Variants in VTI1A observed in about 807,000 individuals in gnomAD.
The protein encoded by VTI1A is vesicle transport through interaction with t-SNAREs 1A, also known as vesicle transport through interaction with t-SNAREs homolog 1A.
Under a neutral mutation model 34.9 loss-of-function variants are expected in VTI1A, and 22 were observed. The observed-to-expected ratio is 0.63, with a 90% confidence interval of 0.45 to 0.90. The LOEUF (loss-of-function observed/expected upper bound fraction) is 0.90, where lower values mean the gene tolerates loss of function less well. Among genes scored for constraint, VTI1A ranks in the 40% least tolerant of loss-of-function variants. The pLI is 0.00. For missense variants in VTI1A, 268 were observed against 275.6 expected (o/e 0.97, Z 0.20); for synonymous variants, 87 against 97.3 (o/e 0.89, Z 0.62).
At chr10:112,723,428 C>T (rs1849884992) in intron 7 of VTI1A, among the ~76,000 whole-genome samples, 1 of 152,196 alleles carries the variant, frequency 6.6e-6, no homozygotes, top group Non-Finnish European at 1.5e-5. Flanking sequence ...ACCCGGTAAC[C>T]TGTTTTTCCA....
In VTI1A at chr10:112,493,061, G is replaced by C. The variant is rs557788548; in HGVS notation, c.264+28404G>C. ...TATATTAATTTGTTGAATAGAATCT[G>C]GATAAATCAATATGGGAGAAATTGC... is the stretch of plus-strand genomic sequence containing the variant. On this transcript the variant is annotated intron_variant, in intron 3 of 7. Transcript: ENST00000393077. Among the ~76,000 whole-genome samples, 5 of 152,186 alleles carry C rather than the reference G, an allele frequency of 3.3e-5. No homozygotes were observed. The East Asian group carries it at 7.7e-4, about 23-fold the overall frequency.
chr10:112,642,666 T>G (rs1846618029), intron 5 of VTI1A, among the ~76,000 whole-genome samples: 2 of 152,072 alleles, frequency 1.3e-5, no homozygotes, highest in Admixed American at 1.3e-4. Flanking sequence ...TGAGGCATTG[T>G]ATGGAGGGAA....
the VTI1A span, among the ~76,000 whole-genome samples, chr10:112,833,233 T>C: frequency 6.6e-6 from 1 of 151,948 alleles, no homozygotes; most frequent in Non-Finnish European, 1.5e-5. Context: ...TCAGAAAGAG[T>C]GGAGTTAGGG....
intron 5 of VTI1A, among the ~76,000 whole-genome samples, chr10:112,608,119 T>C (rs1486595161): frequency 6.6e-6 from 1 of 152,194 alleles, no homozygotes; most frequent in African/African-American, 2.4e-5. Context: ...CACAGAACTC[T>C]ACTGTAAACC....
intron 5 of VTI1A, among the ~76,000 whole-genome samples, chr10:112,657,093 C>T (rs1017450362): frequency 4.6e-5 from 7 of 152,168 alleles, no homozygotes; most frequent in African/African-American, 1.7e-4. Flanking sequence ...AGCCACTATG[C>T]TTCCTGTTCA....
chr10:112,649,420 CAAAT>C (rs1846924902), intron 5 of VTI1A, among the ~76,000 whole-genome samples: 1 of 152,146 alleles, frequency 6.6e-6, no homozygotes. Flanking sequence ...TATTACATCA[CAAAT>C]AATATCAATC....
intron 3 of VTI1A, among the ~76,000 whole-genome samples, chr10:112,521,128 C>T (rs1375110060): frequency 6.6e-6 from 1 of 151,998 alleles, no homozygotes; most frequent in African/African-American, 2.4e-5. Flanking sequence ...TGAGCTTGAC[C>T]TTTAACTCTA....
chr10:112,687,251 T>G lies in VTI1A; in HGVS notation c.560+18253T>G, dbSNP rs987735800. 2.9e-4 allele frequency among the ~76,000 whole-genome samples: 38 copies of G among 129,202 alleles called. No homozygotes were observed. In the East Asian group the frequency reaches 6.7e-3, roughly 23 times the overall value. 84.8% of individuals were successfully genotyped at this position (129,202 alleles called of 152,430 possible). A position where few individuals can be genotyped will look rare whatever the true frequency, so the allele number is the denominator to read the frequency against. On this transcript the variant is annotated intron_variant, in intron 7 of 7. Coordinates refer to ENST00000393077, the MANE Select transcript of VTI1A (RefSeq NM_145206.4). ...TTTTTTTTTTTTTTTTTTTTTTTTTTGAGACGGAGTTTTGCTCTGTCTCCC... is the reference window on the plus strand; with the variant it reads ...TTTTTTTTTTTTTTTTTTTTTTTTTGGAGACGGAGTTTTGCTCTGTCTCCC...
At chr10:112,581,568 A>G (rs1226335867) in intron 5 of VTI1A, among the ~76,000 whole-genome samples, 1 of 152,216 alleles carries the variant, frequency 6.6e-6, no homozygotes, top group African/African-American at 2.4e-5. Context: ...TCCTTATACA[A>G]TGCAAGGTAT....
At chr10:112,662,060 C>T (rs1218287601) in intron 5 of VTI1A, among the ~76,000 whole-genome samples, 2 of 152,216 alleles carry the variant, frequency 1.3e-5, no homozygotes. Flanking sequence ...GCATGAGCCA[C>T]TGCACCCAGC....
At chr10:112,591,221 G>A (rs1426469772) in intron 5 of VTI1A, among the ~76,000 whole-genome samples, 1 of 152,080 alleles carries the variant, frequency 6.6e-6, no homozygotes, top group East Asian at 1.9e-4. Context: ...TCAGGTTTAT[G>A]TTAGAAGAGA....
chr10:112,824,739 C>T, the VTI1A span: 1 of 152,240 alleles, frequency 6.6e-6, no homozygotes, highest in African/African-American at 2.4e-5. Context: ...GTGCCAGTGG[C>T]CTGATGTGTG....
chr10:112,612,531 C>G (rs1589973394), intron 5 of VTI1A, among the ~76,000 whole-genome samples: 1 of 152,158 alleles, frequency 6.6e-6, no homozygotes, highest in Non-Finnish European at 1.5e-5. Context: ...TGATGATCCT[C>G]CCACCTCAGC....
At chr10:112,447,789 T>C (rs1182077729) in intron 1 of VTI1A, among the ~76,000 whole-genome samples, 1 of 152,194 alleles carries the variant, frequency 6.6e-6, no homozygotes, top group East Asian at 1.9e-4. Context: ...GACATGTGAG[T>C]ATTCAAAGAA....
chr10:112,723,537 G>A (rs185134195), intron 7 of VTI1A, among the ~76,000 whole-genome samples: 13 of 152,264 alleles, frequency 8.5e-5, no homozygotes, highest in Admixed American at 3.3e-4. Flanking sequence ...AACTGGGAAA[G>A]GCATGTACTG....
At chr10:112,486,803 C>G (rs192092988) in intron 3 of VTI1A, among the ~76,000 whole-genome samples, 13 of 151,948 alleles carry the variant, frequency 8.6e-5, no homozygotes, top group African/African-American at 3.1e-4. Context: ...AAGTTTTGTA[C>G]TTATACATAA....
At chr10:112,721,263 A>G (rs17585548) in intron 7 of VTI1A, among the ~76,000 whole-genome samples, 24,219 of 152,206 alleles carry the variant, frequency 0.16, 2,168 homozygotes, top group Middle Eastern at 0.23. Context: ...TCACTGAAAC[A>G]AATAACCGAT....
At chr10:112,472,165 C>T (rs539027249) in intron 3 of VTI1A, among the ~76,000 whole-genome samples, 16 of 152,168 alleles carry the variant, frequency 1.1e-4, no homozygotes, top group Admixed American at 9.8e-4. Flanking sequence ...ATGATTAGAT[C>T]GTAATGAATG....
At chr10:112,510,588 A>T (rs750608068) in intron 3 of VTI1A, among the ~76,000 whole-genome samples, 1 of 152,134 alleles carries the variant, frequency 6.6e-6, no homozygotes, top group African/African-American at 2.4e-5. Flanking sequence ...GTGAGCTATG[A>T]CTGTGCCACT....
Sources: allele counts gnomAD v4.1 joint callset (sites outside exome capture counted in the v4.1 genomes callset), GRCh38; gene constraint gnomAD v4.1.1; transcripts MANE v1.5; gene names NCBI Gene and HGNC (gene_info 2026-07-23, HGNC 2026-07-21).